Variants in MARCHF1 observed in about 807,000 individuals in gnomAD.
MARCHF1 encodes the protein E3 ubiquitin-protein ligase MARCHF1.
MARCHF1 carries 40 observed loss-of-function variants against 54.2 expected under a neutral mutation model. The observed-to-expected ratio is 0.74, with a 90% CI of 0.57 to 0.96. The LOEUF (loss-of-function observed/expected upper bound fraction) is 0.96. Among genes scored for constraint, MARCHF1 ranks in the 40% least tolerant of loss-of-function variants. The pLI is 0.00. For synonymous variants in MARCHF1, 236 were observed against 236.3 expected (o/e 1.00, Z 0.01); for missense variants, 586 against 656.5 (o/e 0.89, Z 1.17).
chr4:164,197,094 A>G (rs1368473514), intron 1 of MARCHF1: 2 of 1,606,124 alleles, frequency 1.2e-6, no homozygotes, highest in Non-Finnish European at 8.5e-7. Context: ...AACCTTCTTC[A>G]TCCTCCTCGT....
At position 163,660,644 on chromosome 4, in the gene MARCHF1, A is replaced by G. The variant is rs376122989; in HGVS notation, c.162+40169T>C. Among the ~76,000 whole-genome samples the G allele has an allele frequency of 5.3e-5, 8 of 152,000 alleles. No homozygotes were observed. The East Asian group carries it at 1.6e-3, about 30-fold the overall frequency. ...AGCACATGTAATGAGAAACTGGTTT[A>G]TGATCACTTGGAAGATTTGTATAGT... On this transcript the variant is annotated intron_variant, in intron 5 of 9. Coordinates refer to ENST00000514618, the MANE Select transcript of MARCHF1 (RefSeq NM_001394959.1).
intron 2 of MARCHF1, among the ~76,000 whole-genome samples, chr4:164,098,438 G>C (rs1326078117): frequency 6.6e-6 from 1 of 152,144 alleles, no homozygotes; most frequent in African/African-American, 2.4e-5. Context: ...TTATTGAAGA[G>C]TAGCCCTAAA....
At chr4:163,749,641 T>C (rs1746461647) in intron 4 of MARCHF1, among the ~76,000 whole-genome samples, 1 of 152,134 alleles carries the variant, frequency 6.6e-6, no homozygotes, top group Admixed American at 6.5e-5. Flanking sequence ...TAAATAGCTA[T>C]CAAATTTTAT....
intron 1 of MARCHF1, among the ~76,000 whole-genome samples, chr4:164,155,545 A>G (rs1730054720): frequency 6.6e-6 from 1 of 152,142 alleles, no homozygotes; most frequent in Admixed American, 6.5e-5. Context: ...TGTTAGGGCT[A>G]TGGATTTAGG....
intron 1 of MARCHF1, among the ~76,000 whole-genome samples, chr4:164,164,942 G>T (rs1045124284): frequency 6.6e-6 from 1 of 151,940 alleles, no homozygotes; most frequent in African/African-American, 2.4e-5. Flanking sequence ...AAAGCATCTA[G>T]AATCATAAAA....
intron 2 of MARCHF1, among the ~76,000 whole-genome samples, chr4:164,054,982 T>C (rs1171514097): frequency 6.6e-6 from 1 of 151,758 alleles, no homozygotes; most frequent in East Asian, 1.9e-4. Context: ...AATATGAAAG[T>C]AGTAAGTGGT....
intron 4 of MARCHF1, among the ~76,000 whole-genome samples, chr4:163,746,411 C>T (rs193249059): frequency 6.6e-5 from 10 of 152,246 alleles, no homozygotes; most frequent in East Asian, 1.9e-4. Flanking sequence ...ATTCACCCAG[C>T]GGGGACATTT....
intron 1 of MARCHF1, among the ~76,000 whole-genome samples, chr4:164,248,789 T>C (rs1019797064): frequency 1.3e-5 from 2 of 152,056 alleles, no homozygotes; most frequent in Non-Finnish European, 2.9e-5. Flanking sequence ...TATTTCTCAG[T>C]TCTTTACATG....
intron 2 of MARCHF1, among the ~76,000 whole-genome samples, chr4:164,070,325 A>G (rs1754836038): frequency 6.6e-6 from 1 of 152,216 alleles, no homozygotes; most frequent in African/African-American, 2.4e-5. Context: ...TAAAATCACT[A>G]TTAAAGTACC....
intron 2 of MARCHF1, among the ~76,000 whole-genome samples, chr4:163,997,122 A>G (rs1416474665): frequency 1.3e-5 from 2 of 152,032 alleles, no homozygotes; most frequent in Non-Finnish European, 2.9e-5. Flanking sequence ...CAAGATAGGA[A>G]GAGAAGACAG....
At chr4:164,266,091 A>G (rs1413220983) in intron 1 of MARCHF1, among the ~76,000 whole-genome samples, 1 of 152,188 alleles carries the variant, frequency 6.6e-6, no homozygotes, top group Non-Finnish European at 1.5e-5. Flanking sequence ...ACACACACTA[A>G]ATAAATGAAC....
At chr4:164,339,632 A>G (rs1729856313) in intron 1 of MARCHF1, among the ~76,000 whole-genome samples, 2 of 152,204 alleles carry the variant, frequency 1.3e-5, no homozygotes, top group South Asian at 4.1e-4. Context: ...AAGATCTCAA[A>G]TAAACAACCT....
intron 1 of MARCHF1, among the ~76,000 whole-genome samples, chr4:164,150,689 A>C (rs1274223733): frequency 6.6e-6 from 1 of 152,206 alleles, no homozygotes; most frequent in African/African-American, 2.4e-5. Context: ...TTTCAACAAG[A>C]CATGAAAATA....
chr4:164,026,127 T>A (rs1385882502), intron 2 of MARCHF1, among the ~76,000 whole-genome samples: 1 of 152,028 alleles, frequency 6.6e-6, no homozygotes. Flanking sequence ...CTGGACAAGA[T>A]GGATTCACAG....
At chr4:163,740,975 G>A (rs2111356737) in intron 4 of MARCHF1, among the ~76,000 whole-genome samples, 1 of 152,172 alleles carries the variant, frequency 6.6e-6, no homozygotes, top group Non-Finnish European at 1.5e-5. Flanking sequence ...CACTCTTCAG[G>A]TTGCATGTTG....
At chr4:164,332,176 C>T (rs1561005512) in intron 1 of MARCHF1, among the ~76,000 whole-genome samples, 1 of 152,150 alleles carries the variant, frequency 6.6e-6, no homozygotes, top group Non-Finnish European at 1.5e-5. Context: ...CTGCCTCCGT[C>T]AGGTCTTTTT....
chr4:163,869,048 G>A (rs917025405), intron 3 of MARCHF1, among the ~76,000 whole-genome samples: 10 of 150,934 alleles, frequency 6.6e-5, no homozygotes, highest in South Asian at 6.3e-4. Context: ...CACATAAAAC[G>A]CATAAACCCT....
rs559067469 is a variant in MARCHF1 at position 163,643,378 on chromosome 4, T to G, written c.163-29985A>C. Among the ~76,000 whole-genome samples, 14 of 104,572 alleles carry G rather than the reference T, an allele frequency of 1.3e-4. No homozygotes were observed. In the South Asian group the frequency reaches 3.9e-3, roughly 29 times the overall value. The allele number at this position is 104,572 out of a possible 152,430, so 68.6% of individuals were successfully genotyped here. A position where few individuals can be genotyped will look rare whatever the true frequency, so the allele number is the denominator to read the frequency against. ...AAAATAAATTCAGGGTCTTGCTGTGTTGCCCAGGCTAGTCTCAAATTCCTG... is the reference window on the plus strand; with the variant it reads ...AAAATAAATTCAGGGTCTTGCTGTGGTGCCCAGGCTAGTCTCAAATTCCTG... On this transcript the variant is annotated intron_variant, in intron 5 of 9. Transcript: ENST00000514618.
At chr4:163,554,263 A>G (rs1331499495) in intron 8 of MARCHF1, among the ~76,000 whole-genome samples, 2 of 152,242 alleles carry the variant, frequency 1.3e-5, no homozygotes, top group Non-Finnish European at 2.9e-5. Flanking sequence ...TTACAATGTG[A>G]GGAATACGCC....
Sources: allele counts gnomAD v4.1 joint callset (sites outside exome capture counted in the v4.1 genomes callset), GRCh38; gene constraint gnomAD v4.1.1; transcripts MANE v1.5; gene names NCBI Gene and HGNC (gene_info 2026-07-23, HGNC 2026-07-21).